Variants in MBD5 observed in about 807,000 individuals in gnomAD.
MBD5 encodes methyl-CpG binding domain protein 5.
MBD5 carries 13 observed loss-of-function variants against 117.3 expected under a neutral mutation model. The ratio of observed to expected loss-of-function variants is 0.11; its 90% CI spans 0.07 to 0.18. MBD5 has a LOEUF of 0.18. Ranked by LOEUF, MBD5 falls within the 10% of genes least tolerant of loss-of-function variation. MBD5 has a pLI of 1.00. For synonymous variants in MBD5, 727 were observed against 766.4 expected, an observed-to-expected ratio of 0.95 and a Z score of 0.85; for missense variants, 1,879 against 2,093.8, an observed-to-expected ratio of 0.90 and a Z score of 2.00.
rs1241320045 is a variant in MBD5, at chr2:148,285,052, C to CT, written c.-680+51658dup. Among the ~76,000 whole-genome samples, 3 of 152,332 alleles carry CT rather than the reference C, an allele frequency of 2.0e-5. No homozygotes were observed. In the East Asian group the frequency reaches 5.8e-4, roughly 29 times the overall value. ...AGCAGACTAGGACCACAGCAGCTGT[C>CT]TGGTCCTTCTTCTCTTGATTAAAGT... On this transcript the variant is annotated intron_variant, in intron 3 of 13. Transcript: ENST00000642680.
At chr2:148,152,155 G>C (rs1697693647) in intron 1 of MBD5, among the ~76,000 whole-genome samples, 1 of 151,948 alleles carries the variant, frequency 6.6e-6, no homozygotes, top group South Asian at 2.1e-4. Context: ...TGTTCTCGTT[G>C]GTTTCAAAAA....
chr2:148,287,765 C>T (rs1701397381), intron 3 of MBD5, among the ~76,000 whole-genome samples: 1 of 152,144 alleles, frequency 6.6e-6, no homozygotes. Flanking sequence ...GTCAAACTCA[C>T]TTTTATAACA....
At chr2:148,102,085 T>C (rs1696231168) in intron 1 of MBD5, among the ~76,000 whole-genome samples, 1 of 152,224 alleles carries the variant, frequency 6.6e-6, no homozygotes, top group Admixed American at 6.5e-5. Context: ...TTAAAACTCA[T>C]ATCTGTTCCT....
intron 3 of MBD5, among the ~76,000 whole-genome samples, chr2:148,262,530 T>C (rs1480721467): frequency 6.6e-6 from 1 of 152,098 alleles, no homozygotes; most frequent in Non-Finnish European, 1.5e-5. Flanking sequence ...ATAATACAGA[T>C]GCTTTTGTCA....
chr2:148,433,759 T>C (rs1272691032), intron 4 of MBD5, among the ~76,000 whole-genome samples: 1 of 152,108 alleles, frequency 6.6e-6, no homozygotes, highest in Non-Finnish European at 1.5e-5. Context: ...TGCTAGTATT[T>C]TGTTGAGGGT....
intron 2 of MBD5, among the ~76,000 whole-genome samples, chr2:148,188,620 C>T (rs1574111510): frequency 1.4e-5 from 2 of 147,692 alleles, no homozygotes; most frequent in East Asian, 4.0e-4. Context: ...GAGGTTGAGG[C>T]TGCAGTGAGC....
At position 148,021,454 on chromosome 2, in the gene MBD5, CTGCTGCTGTTGCTGCTGCTGCTGCTGT is replaced by C. The variant is rs1244500381; in HGVS notation, c.-1146_-1120del. 1.7e-6 allele frequency: 1 copy of C among 574,790 alleles called. No individual in the cohort carries two copies. The highest frequency in any genetic ancestry group is 2.2e-5 in the Admixed American group (1 of 46,300). 35.6% of individuals were successfully genotyped at this position (574,790 alleles called of 1,614,324 possible). A position where few individuals can be genotyped will look rare whatever the true frequency, so the allele number is the denominator to read the frequency against. On this transcript the variant is annotated 5_prime_UTR_variant, in exon 1 of 14. Coordinates refer to ENST00000642680, the MANE Select transcript of MBD5 (RefSeq NM_001378120.1). Reference sequence around the variant, plus strand: ...GCCTCTTAGCAACACAGACCCTTTGCTGCTGCTGTTGCTGCTGCTGCTGCTGTTGCTGCTGCTGCTGCTACTGCTGCT... The same window carrying C: ...GCCTCTTAGCAACACAGACCCTTTGCTGCTGCTGCTGCTGCTACTGCTGCT...
chr2:148,175,233 C>A (rs1698356459), intron 1 of MBD5, among the ~76,000 whole-genome samples: 1 of 151,970 alleles, frequency 6.6e-6, no homozygotes, highest in Non-Finnish European at 1.5e-5. Flanking sequence ...ATATATATAG[C>A]TATTGTGAAA....
At chr2:148,478,018 G>A (rs923812245) in intron 8 of MBD5, among the ~76,000 whole-genome samples, 12 of 152,058 alleles carry the variant, frequency 7.9e-5, no homozygotes, top group Non-Finnish European at 1.5e-4. Context: ...ATCCAAAGAC[G>A]TGTATAACAA....
chr2:148,384,767 T>C (rs922289913), intron 4 of MBD5, among the ~76,000 whole-genome samples: 3 of 151,956 alleles, frequency 2.0e-5, no homozygotes, highest in African/African-American at 4.8e-5. Context: ...AACAGAGATA[T>C]AGACCAATGG....
At chr2:148,265,540 A>T (rs1700835842) in intron 3 of MBD5, among the ~76,000 whole-genome samples, 1 of 3,900 alleles carries the variant, frequency 2.6e-4, no homozygotes, top group South Asian at 0.024. Flanking sequence ...ATGCTTTGAT[A>T]AAAAACTATT....
chr2:148,314,688 A>G (rs1398386007), intron 3 of MBD5, among the ~76,000 whole-genome samples: 8 of 152,094 alleles, frequency 5.3e-5, no homozygotes, highest in Admixed American at 4.6e-4. Flanking sequence ...TGGTATGGCC[A>G]TAGACAAGTG....
intron 8 of MBD5, 24 bp from the exon 9 acceptor site, chr2:148,483,086 G>A (rs368021028): frequency 1.4e-6 from 2 of 1,480,556 alleles, no homozygotes; most frequent in African/African-American, 3.8e-5. Context: ...ACTGGGTTTT[G>A]TGTTTTTTTT....
rs1680741040 is a variant in MBD5 at position 148,470,029 on chromosome 2, T to C, written c.2086T>C (p.Phe696Leu). 1.2e-6 allele frequency: 2 copies of C among 1,613,766 alleles called. No homozygotes were observed. Among genetic ancestry groups the C allele is most frequent in the Admixed American group, 3.3e-5 (2 of 59,960 alleles). The part of the protein sequence containing the change: ...DLLRKQGQGS[F>L]PISSMSQLLQ... ...GCTAAGGAAGCAGGGTCAGGGTTCA[T>C]TTCCCATCAGTTCAATGTCTCAGTT... Residue 696 changes from phenylalanine (F) to leucine (L), a missense_variant, in exon 8 of 14, where the codon TTT becomes CTT. Physicochemically the swap from Phe to Leu is conservative, Grantham distance 22. Around this residue, in one of 4 missense-constraint regions of MBD5, gnomAD observed 1,666 missense variants for 1,792.2 expected, o/e 0.93. Coordinates refer to ENST00000642680, the MANE Select transcript of MBD5 (RefSeq NM_001378120.1).
chr2:148,096,380 A>C (rs1392575140), intron 1 of MBD5, among the ~76,000 whole-genome samples: 1 of 142,958 alleles, frequency 7.0e-6, no homozygotes, highest in Non-Finnish European at 1.5e-5. Flanking sequence ...CTTATAGTGC[A>C]CAGGACAGCT....
At chr2:148,124,463 A>T (rs543802174) in intron 1 of MBD5, among the ~76,000 whole-genome samples, 97 of 152,182 alleles carry the variant, frequency 6.4e-4, no homozygotes, top group African/African-American at 2.2e-3. Flanking sequence ...CTGTGGTCCC[A>T]GTTACTCATG....
intron 3 of MBD5, among the ~76,000 whole-genome samples, chr2:148,273,738 G>A (rs141225499): frequency 6.6e-6 from 1 of 152,254 alleles, no homozygotes; most frequent in East Asian, 1.9e-4. Flanking sequence ...CTTGCCACTG[G>A]ACTGCCTTGT....
chr2:148,240,804 C>T (rs1700201178), intron 3 of MBD5, among the ~76,000 whole-genome samples: 1 of 152,080 alleles, frequency 6.6e-6, no homozygotes, highest in African/African-American at 2.4e-5. Context: ...TAAGCCTATC[C>T]AGTGAATTTT....
chr2:148,325,259 G>A (rs1311464370), intron 3 of MBD5, among the ~76,000 whole-genome samples: 2 of 152,070 alleles, frequency 1.3e-5, no homozygotes, highest in Non-Finnish European at 2.9e-5. Flanking sequence ...GAGGATTTTT[G>A]CATCAATGTT....
Sources: gnomAD v4.1 joint callset for allele counts (sites outside exome capture counted in the v4.1 genomes callset) on GRCh38, gnomAD v4.1.1 for gene constraint, gnomAD v4.1.1 regional missense constraint, MANE v1.5 for transcripts, NCBI Gene and HGNC (gene_info 2026-07-23, HGNC 2026-07-21) for gene names.